EXOC4: variants seen among roughly 807,000 people sequenced by gnomAD.
EXOC4 encodes exocyst complex component 4, also known as SEC8-like 1.
EXOC4 carries 71 observed loss-of-function variants against 107.2 expected under a neutral mutation model. That is an observed-to-expected ratio of 0.66 (90% CI 0.55 to 0.81). The LOEUF (loss-of-function observed/expected upper bound fraction) is 0.81. EXOC4 is among the 30% of genes least tolerant of loss of function. The probability of loss-of-function intolerance (pLI) is 0.00; values close to 1 mark genes in which losing one functional copy is unlikely to be tolerated. For missense variants in EXOC4, 1,108 were observed against 1,189.6 expected (o/e 0.93, Z 1.01); for synonymous variants, 456 against 441.2 (o/e 1.03, Z -0.42).
chr7:133,837,678 C>T (rs983460955), intron 11 of EXOC4, among the ~76,000 whole-genome samples: 1 of 152,110 alleles, frequency 6.6e-6, no homozygotes. Flanking sequence ...CTTCTTAGCT[C>T]GTGAAGCTGT....
chr7:133,917,482 A>G, intron 12 of EXOC4, 101 bp from the exon 13 acceptor site: 5 of 1,137,050 alleles, frequency 4.4e-6, no homozygotes, highest in South Asian at 1.6e-5. Flanking sequence ...CAAAGGAGAG[A>G]TGAGTGTGAT....
Position 133,651,954 on chromosome 7 carries a change from A to G in EXOC4, c.1514+21813A>G, listed in dbSNP as rs577642295. On this transcript the variant is annotated intron_variant, in intron 10 of 17. Transcript: ENST00000253861. The stretch of plus-strand genomic sequence containing the variant: ...CTCAGCCTCCCAAAGTGCTGGGATT[A>G]CAGGTGTGAGCCACCACGCCCTGCC... Among the ~76,000 whole-genome samples the G allele has an allele frequency of 1.4e-4, 21 of 152,336 alleles. No individual in the cohort carries two copies. In the South Asian group the frequency reaches 4.3e-3, roughly 32 times the overall value.
chr7:134,014,742 C>T (rs1023823597), intron 17 of EXOC4, among the ~76,000 whole-genome samples: 15 of 151,568 alleles, frequency 9.9e-5, no homozygotes, highest in African/African-American at 2.2e-4. Flanking sequence ...TTGAGTTGTA[C>T]CCTCTAAGTC....
chr7:133,274,994 T>G lies in EXOC4; in HGVS notation c.99T>G (p.Thr33=). 1 of 1,609,274 alleles carries G rather than the reference T, an allele frequency of 6.2e-7. No homozygotes were observed. Among genetic ancestry groups the G allele is most frequent in the African/African-American group, 1.3e-5 (1 of 74,938 alleles). The change falls in exon 2 of 18, where the codon ACT becomes ACG. Residue 33 remains threonine (T), a synonymous_variant. Transcript: ENST00000253861. ...CTGCCTTCACCAGGACTCTGTCTAC[T>G]AGTGACGATGTCGAAGACAGGGAAA... ...LLISVIRTLS[T]SDDVEDRENE... is the part of the protein sequence containing the mutation.
intron 9 of EXOC4, chr7:133,484,265 A>G (rs1403755409): frequency 1.6e-6 from 2 of 1,250,470 alleles, no homozygotes; most frequent in Admixed American, 3.0e-5. Flanking sequence ...ATGGTTCATT[A>G]TATAGTCTGC....
At chr7:133,416,437 C>T (rs1364307917) in intron 7 of EXOC4, among the ~76,000 whole-genome samples, 1 of 152,172 alleles carries the variant, frequency 6.6e-6, no homozygotes, top group Non-Finnish European at 1.5e-5. Context: ...AGGGTTGTTT[C>T]TCTTTCTAGC....
intron 13 of EXOC4, among the ~76,000 whole-genome samples, chr7:133,928,612 G>A (rs543725496): frequency 2.8e-4 from 43 of 152,140 alleles, no homozygotes; most frequent in African/African-American, 7.2e-4. Flanking sequence ...CCCGCTCCAC[G>A]CTGCACCCTC....
chr7:134,063,128 C>T (rs1219601628), intron 17 of EXOC4, among the ~76,000 whole-genome samples: 1 of 152,166 alleles, frequency 6.6e-6, no homozygotes, highest in Non-Finnish European at 1.5e-5. Flanking sequence ...GAGGCTCTAC[C>T]CTGTGGCTTC....
In EXOC4 at chr7:133,640,828, G is replaced by A. The variant is rs77667769; in HGVS notation, c.1514+10687G>A. 2.5e-3 allele frequency among the ~76,000 whole-genome samples: 376 copies of A among 151,504 alleles called. 5 individuals are homozygous for A. Among genetic ancestry groups the A allele is most frequent in the African/African-American group, 8.6e-3 (353 of 41,270 alleles). On this transcript the variant is annotated intron_variant, in intron 10 of 17. Coordinates refer to ENST00000253861, the MANE Select transcript of EXOC4 (RefSeq NM_021807.4). ...TAGAATTAAGATCCATCCTTTTTAA[G>A]GAAAGATAATTGGCAACTTAAAATC...
intron 11 of EXOC4, among the ~76,000 whole-genome samples, chr7:133,878,784 C>T (rs113546677): frequency 0.11 from 16,580 of 152,034 alleles, 1,031 homozygotes; most frequent in Middle Eastern, 0.15. Flanking sequence ...AGTGCAGTGG[C>T]GCGATCTTGG....
chr7:133,312,647 C>G (rs1163267984), intron 4 of EXOC4, among the ~76,000 whole-genome samples: 1 of 151,850 alleles, frequency 6.6e-6, no homozygotes, highest in Non-Finnish European at 1.5e-5. Context: ...GAAAAAGGAG[C>G]ATGCGTGCCA....
Position 133,460,836 on chromosome 7 carries a change from T to C in EXOC4, c.1183-14492T>C, listed in dbSNP as rs79627411. On this transcript the variant is annotated intron_variant, in intron 7 of 17. Coordinates refer to ENST00000253861, the MANE Select transcript of EXOC4 (RefSeq NM_021807.4). ...TCATAAAGCATTTTAATAAGATACTTCAGTGGAAATATCATTAGACATGAA... is the reference window on the plus strand; with the variant it reads ...TCATAAAGCATTTTAATAAGATACTCCAGTGGAAATATCATTAGACATGAA... Among the ~76,000 whole-genome samples, 1,165 of 152,286 alleles carry C rather than the reference T, an allele frequency of 7.7e-3. 40 individuals carry two copies. In the East Asian group the frequency reaches 0.13, roughly 17 times the overall value.
chr7:133,488,246 A>G (rs1375319051), intron 9 of EXOC4, among the ~76,000 whole-genome samples: 1 of 150,074 alleles, frequency 6.7e-6, no homozygotes, highest in Non-Finnish European at 1.5e-5. Context: ...AAAATAAAAC[A>G]GTAGATTTTA....
intron 2 of EXOC4, among the ~76,000 whole-genome samples, chr7:133,277,052 C>G (rs1261259236): frequency 1.3e-5 from 2 of 151,928 alleles, no homozygotes; most frequent in African/African-American, 4.8e-5. Flanking sequence ...GCCTCCGCCT[C>G]CCGGGTTCAA....
intron 17 of EXOC4, among the ~76,000 whole-genome samples, chr7:134,050,660 A>G (rs1795763610): frequency 6.6e-6 from 1 of 152,168 alleles, no homozygotes; most frequent in Non-Finnish European, 1.5e-5. Context: ...AGTACTAAGT[A>G]TTATTCAGGG....
rs190471420 is a variant in EXOC4, at chr7:133,372,568, G to A, written c.1008-2260G>A. 9.2e-5 allele frequency among the ~76,000 whole-genome samples: 14 copies of A among 151,920 alleles called. No homozygotes were observed. The East Asian group carries it at 1.7e-3, about 19-fold the overall frequency. On this transcript the variant is annotated intron_variant, in intron 6 of 17. Coordinates refer to ENST00000253861, the MANE Select transcript of EXOC4 (RefSeq NM_021807.4). ...GGTTTTTTTTTTCTCTAAATGTAGC[G>A]CTGTTCCTGGCTGCTGAGCAGCTCT...
At chr7:134,023,989 C>A (rs954901972) in intron 17 of EXOC4, among the ~76,000 whole-genome samples, 1 of 152,166 alleles carries the variant, frequency 6.6e-6, no homozygotes, top group African/African-American at 2.4e-5. Context: ...TCAGAGAGAC[C>A]TGGCATGGCA....
At chr7:133,860,320 C>T (rs1329311560) in intron 11 of EXOC4, among the ~76,000 whole-genome samples, 1 of 152,178 alleles carries the variant, frequency 6.6e-6, no homozygotes, top group African/African-American at 2.4e-5. Context: ...TTCTCCGCCT[C>T]GTTTTCCACA....
intron 11 of EXOC4, among the ~76,000 whole-genome samples, chr7:133,845,620 G>C (rs1413383362): frequency 6.6e-6 from 1 of 151,904 alleles, no homozygotes; most frequent in East Asian, 1.9e-4. Context: ...TCTCTAGCAT[G>C]TCATTCCTGC....
Sources: gnomAD v4.1 joint callset for allele counts (sites outside exome capture counted in the v4.1 genomes callset) on GRCh38, gnomAD v4.1.1 for gene constraint, MANE v1.5 for transcripts, NCBI Gene and HGNC (gene_info 2026-07-23, HGNC 2026-07-21) for gene names.